Variants in C12orf54 observed in about 807,000 individuals in gnomAD.
C12orf54 encodes the protein uncharacterized protein C12orf54.
C12orf54 carries 24 observed loss-of-function variants against 26.4 expected under a neutral mutation model. The observed-to-expected ratio is 0.91, with a 90% CI of 0.66 to 1.28. C12orf54 has a LOEUF of 1.28. Ranked by LOEUF, C12orf54 falls within the 50% of genes most tolerant of loss-of-function variation. The pLI, the probability that C12orf54 is intolerant of heterozygous loss-of-function variation, is 0.00. For missense variants in C12orf54, 154 were observed against 150.9 expected, an observed-to-expected ratio of 1.02 and a Z score of -0.11; for synonymous variants, 54 against 47.0, an observed-to-expected ratio of 1.15 and a Z score of -0.61.
chr12:48,436,137 C>G, the C12orf54 span, among the ~76,000 whole-genome samples: 1 of 152,096 alleles, frequency 6.6e-6, no homozygotes, highest in Non-Finnish European at 1.5e-5. Context: ...GACTTTAAAC[C>G]AACAAAGATC....
the C12orf54 span, chr12:48,472,657 C>G: frequency 1.9e-6 from 3 of 1,613,920 alleles, no homozygotes; most frequent in Middle Eastern, 1.6e-4. Flanking sequence ...GCAGAGAAAG[C>G]GTGAGAGATG....
At chr12:48,487,734 T>C (rs199519240) in intron 4 of C12orf54, 2 of 120,162 alleles carry the variant, frequency 1.7e-5, no homozygotes, top group South Asian at 2.3e-4. Context: ...TATGTACTCT[T>C]ATATACAAAT....
the C12orf54 span, among the ~76,000 whole-genome samples, chr12:48,421,402 C>G: frequency 2.0e-5 from 3 of 151,852 alleles, no homozygotes; most frequent in Non-Finnish European, 4.4e-5. Context: ...GAAACTGCCC[C>G]CAGGATCCAG....
upstream of C12orf54, among the ~76,000 whole-genome samples, chr12:48,477,710 C>G (rs557685908): frequency 7.9e-5 from 12 of 152,290 alleles, no homozygotes; most frequent in South Asian, 2.1e-3. Context: ...GAAGTTGAAT[C>G]TCTGACTAGA....
chr12:48,479,486 C>G (rs987486398), upstream of C12orf54, among the ~76,000 whole-genome samples: 2 of 151,816 alleles, frequency 1.3e-5, no homozygotes, highest in Non-Finnish European at 2.9e-5. Flanking sequence ...ACGTTGTGCA[C>G]ATGTACCCTA....
At chr12:48,473,241 G>C in the C12orf54 span, 1 of 1,132,010 alleles carries the variant, frequency 8.8e-7, no homozygotes, top group Non-Finnish European at 1.3e-6. Context: ...GGAGGACGAG[G>C]ATGAGGAGGA....
At chr12:48,445,114 A>T in the C12orf54 span, among the ~76,000 whole-genome samples, 25 of 152,268 alleles carry the variant, frequency 1.6e-4, no homozygotes, top group South Asian at 4.1e-4. Context: ...CAGAGCTTGC[A>T]GTGAGCCAAG....
the C12orf54 span, chr12:48,473,088 C>A: frequency 6.2e-7 from 1 of 1,613,994 alleles, no homozygotes; most frequent in South Asian, 1.1e-5. Flanking sequence ...CCTCCTGCAA[C>A]TCACATATCT....
chr12:48,490,767 A>G (rs1249442417), intron 5 of C12orf54, 45 bp from the exon 6 acceptor site: 2 of 1,610,512 alleles, frequency 1.2e-6, no homozygotes, highest in Non-Finnish European at 1.7e-6. Context: ...GGTCTGCAGG[A>G]GACCAGCCCC....
the C12orf54 span, among the ~76,000 whole-genome samples, chr12:48,420,963 C>T: frequency 6.6e-6 from 1 of 152,076 alleles, no homozygotes; most frequent in African/African-American, 2.4e-5. Flanking sequence ...TTCATAGCAC[C>T]TCATCATCAT....
upstream of C12orf54, among the ~76,000 whole-genome samples, chr12:48,480,451 T>A (rs1354719919): frequency 6.9e-6 from 1 of 145,406 alleles, no homozygotes; most frequent in Non-Finnish European, 1.5e-5. Flanking sequence ...TGCAAAACTG[T>A]TTAACTAAGC....
At chr12:48,469,672 A>C in the C12orf54 span, among the ~76,000 whole-genome samples, 2 of 152,232 alleles carry the variant, frequency 1.3e-5, no homozygotes, top group Non-Finnish European at 2.9e-5. Flanking sequence ...GGAAGTGATA[A>C]GTGTCCATGA....
chr12:48,470,670 G>T, the C12orf54 span, among the ~76,000 whole-genome samples: 2 of 145,348 alleles, frequency 1.4e-5, no homozygotes, highest in Non-Finnish European at 3.0e-5. Context: ...GTTTAATTAG[G>T]TCCCACTGGT....
chr12:48,455,112 A>G, the C12orf54 span, among the ~76,000 whole-genome samples: 5 of 152,174 alleles, frequency 3.3e-5, no homozygotes, highest in African/African-American at 1.2e-4. Flanking sequence ...TCCAACCTCA[A>G]GTAGGCCCCA....
chr12:48,492,759 AG>A (rs1937819120), intron 6 of C12orf54, 187 bp from the exon 7 acceptor site: 3 of 601,880 alleles, frequency 5.0e-6, no homozygotes, highest in South Asian at 1.9e-5. Context: ...TCTGCTTCAC[AG>A]GGGGCCAGAT....
the C12orf54 span, among the ~76,000 whole-genome samples, chr12:48,456,123 C>A: frequency 6.6e-6 from 1 of 152,202 alleles, no homozygotes; most frequent in Non-Finnish European, 1.5e-5. Context: ...TTCTCTATAT[C>A]TCAACGAAGT....
the C12orf54 span, among the ~76,000 whole-genome samples, chr12:48,454,357 C>T: frequency 6.6e-6 from 1 of 152,106 alleles, no homozygotes; most frequent in South Asian, 2.1e-4. Flanking sequence ...CCTCGGCCTC[C>T]CAAAGTGCTG....
the C12orf54 span, among the ~76,000 whole-genome samples, chr12:48,468,272 G>A: frequency 6.6e-6 from 1 of 152,102 alleles, no homozygotes; most frequent in Non-Finnish European, 1.5e-5. Flanking sequence ...ATTTGAGTGA[G>A]GGAGCCAAAA....
the C12orf54 span, among the ~76,000 whole-genome samples, chr12:48,471,073 T>C: frequency 6.6e-6 from 1 of 152,156 alleles, no homozygotes; most frequent in Non-Finnish European, 1.5e-5. Flanking sequence ...ATTCTTTTTA[T>C]TTTTTTGTAC....
Sources: allele counts gnomAD v4.1 joint callset (sites outside exome capture counted in the v4.1 genomes callset), GRCh38; gene constraint gnomAD v4.1.1; transcripts MANE v1.5; gene names NCBI Gene and HGNC (gene_info 2026-07-23, HGNC 2026-07-21).